Variants in DSE observed in about 807,000 individuals in gnomAD.
DSE encodes the protein dermatan sulfate epimerase, also known as dermatan-sulfate epimerase.
A neutral mutation model predicts 84.4 loss-of-function variants in DSE; 36 were observed. That is an observed-to-expected ratio of 0.43 (90% confidence interval 0.33 to 0.56). The LOEUF (loss-of-function observed/expected upper bound fraction) is 0.56. DSE is among the 20% of genes least tolerant of loss of function. DSE has a pLI of 0.06. For missense variants in DSE, 862 were observed against 1,169.6 expected (o/e 0.74, Z 3.84); for synonymous variants, 410 against 430.1 (o/e 0.95, Z 0.58).
In DSE at chr6:116,441,324, T is replaced by C. The variant is rs1177125421; in HGVS notation, c.*3979T>C. On this transcript the variant is annotated 3_prime_UTR_variant, in exon 6 of 6. Transcript: ENST00000644252. ...GGTTTTGGGATTTTTTTAATTGAAG[T>C]TTTATTTGGCATAAATTATGAACAT... 1 of 152,216 alleles carries C rather than the reference T, an allele frequency of 6.6e-6. No homozygotes were observed. The highest frequency in any genetic ancestry group is 1.9e-4 in the East Asian group (1 of 5,196). The allele number at this position is 152,216 out of a possible 1,614,324, so 9.4% of individuals were successfully genotyped here.
chr6:116,355,330 A>G (rs901212441), intron 2 of DSE, among the ~76,000 whole-genome samples: 10 of 152,208 alleles, frequency 6.6e-5, no homozygotes, highest in Admixed American at 2.0e-4. Context: ...AAACCTTCAC[A>G]TTCTTCTAAT....
intron 2 of DSE, among the ~76,000 whole-genome samples, chr6:116,345,809 A>C (rs1373665316): frequency 6.6e-6 from 1 of 152,222 alleles, no homozygotes; most frequent in Non-Finnish European, 1.5e-5. Flanking sequence ...AAAACCCTTC[A>C]AAAAATCAAT....
At chr6:116,368,817 T>C (rs1779321076), upstream of DSE, among the ~76,000 whole-genome samples, 1 of 152,014 alleles carries the variant, frequency 6.6e-6, no homozygotes, top group Non-Finnish European at 1.5e-5. Context: ...ATGGAGTTAA[T>C]ATGTACCCAG....
intron 1 of DSE, among the ~76,000 whole-genome samples, chr6:116,396,532 G>A (rs561054201): frequency 3.0e-4 from 45 of 152,186 alleles, no homozygotes; most frequent in Non-Finnish European, 4.7e-4. Flanking sequence ...TAAATGTACA[G>A]TAATGCACAA....
intron 2 of DSE, among the ~76,000 whole-genome samples, chr6:116,420,581 C>CT (rs1376042001): frequency 6.6e-6 from 1 of 152,236 alleles, no homozygotes; most frequent in African/African-American, 2.4e-5. Context: ...AGACCTTCAG[C>CT]TTCCAGAACT....
At chr6:116,287,168 A>G (rs911837744) in intron 2 of DSE, among the ~76,000 whole-genome samples, 3 of 152,132 alleles carry the variant, frequency 2.0e-5, no homozygotes, top group African/African-American at 7.2e-5. Flanking sequence ...TCTTCTAGAC[A>G]GAAGAGTTGA....
chr6:116,291,855 G>T (rs1012787736), intron 2 of DSE, among the ~76,000 whole-genome samples: 1 of 152,148 alleles, frequency 6.6e-6, no homozygotes, highest in Admixed American at 6.6e-5. Context: ...AACTAGATAT[G>T]AAAGTAGACA....
chr6:116,258,570 C>T (rs1442340759), exon 2 of DSE: 1 of 1,589,092 alleles, frequency 6.3e-7, no homozygotes, highest in Admixed American at 1.7e-5. Flanking sequence ...TGGAGGAGCC[C>T]TTGGCAGCAT....
chr6:116,316,817 C>CTAT (rs1477932840), intron 2 of DSE, among the ~76,000 whole-genome samples: 1 of 112,412 alleles, frequency 8.9e-6, no homozygotes, highest in Admixed American at 8.8e-5. Flanking sequence ...TCTACTACTA[C>CTAT]TACTACTACT....
chr6:116,406,843 G>A (rs942221043), intron 2 of DSE, among the ~76,000 whole-genome samples: 1 of 152,112 alleles, frequency 6.6e-6, no homozygotes, highest in South Asian at 2.1e-4. Context: ...TACCATAGTC[G>A]GGGGCCAGAT....
rs545749230 is a variant in DSE at position 116,313,508 on chromosome 6, G to T, written c.-54+54541G>T. On this transcript the variant is annotated intron_variant, in intron 2 of 3. Coordinates refer to the DSE transcript ENST00000430252. ...TTTGTTGATTTAGTAATAATGATTGGTTACATAATACCTATAAATGCAAGC... is the reference window on the plus strand; with the variant it reads ...TTTGTTGATTTAGTAATAATGATTGTTTACATAATACCTATAAATGCAAGC... 2.0e-5 allele frequency among the ~76,000 whole-genome samples: 3 copies of T among 152,246 alleles called. No individual in the cohort carries two copies. In the South Asian group the frequency reaches 6.2e-4, roughly 32 times the overall value.
At position 116,381,675 on chromosome 6, in the gene DSE, C is replaced by G. The variant is rs148728003; in HGVS notation, c.-54+10554C>G. ...AAGTCAATCTACGTGAAATATGTAG[C>G]GTAGTTCTTGGCACTTGGCAAGCAC... On this transcript the variant is annotated intron_variant, in intron 1 of 5. Coordinates refer to ENST00000644252, the MANE Select transcript of DSE (RefSeq NM_013352.4). Among the ~76,000 whole-genome samples, 3 of 152,182 alleles carry G rather than the reference C, an allele frequency of 2.0e-5. No homozygotes were observed. In the East Asian group the frequency reaches 5.8e-4, roughly 29 times the overall value.
intron 2 of DSE, among the ~76,000 whole-genome samples, chr6:116,346,332 A>T (rs538007864): frequency 6.6e-6 from 1 of 152,286 alleles, no homozygotes; most frequent in South Asian, 2.1e-4. Flanking sequence ...AGAATTTTAG[A>T]CCAATATCCC....
At chr6:116,351,523 C>T (rs1778308772) in intron 2 of DSE, among the ~76,000 whole-genome samples, 1 of 152,058 alleles carries the variant, frequency 6.6e-6, no homozygotes, top group East Asian at 1.9e-4. Context: ...TATATCACAA[C>T]TACATTCTAT....
intron 1 of DSE, chr6:116,255,401 T>C (rs1039898754): frequency 1.1e-4 from 17 of 152,196 alleles, no homozygotes; most frequent in African/African-American, 4.1e-4. Flanking sequence ...TGGCAGACAA[T>C]ACGGAGAAAC....
At position 116,444,833 on chromosome 6, in the gene DSE, G is replaced by A. The variant is rs926541148; in HGVS notation, c.*7488G>A. The A allele has an allele frequency of 6.6e-6, 1 of 152,182 alleles. No individual in the cohort carries two copies. The allele number at this position is 152,182 out of a possible 1,614,324, so 9.4% of individuals were successfully genotyped here. On this transcript the variant is annotated 3_prime_UTR_variant, in exon 6 of 6. Transcript: ENST00000644252. ...GGATTTCCCTGTCCCCAGAACTGTG[G>A]TAAATAAATTTCTGTTGTTTGTAAG...
At chr6:116,268,747 G>A (rs1772744524) in intron 2 of DSE, among the ~76,000 whole-genome samples, 1 of 152,010 alleles carries the variant, frequency 6.6e-6, no homozygotes, top group South Asian at 2.1e-4. Context: ...TCCCATTCCT[G>A]GTCACTAGAG....
chr6:116,426,465 G>T (rs1562304850), intron 2 of DSE, 109 bp from the exon 3 acceptor site: 2 of 1,433,826 alleles, frequency 1.4e-6, no homozygotes, highest in Non-Finnish European at 9.4e-7. Context: ...TAAGCCCTTG[G>T]ATTATATCTT....
chr6:116,333,935 C>T (rs927371662), intron 2 of DSE, among the ~76,000 whole-genome samples: 1 of 152,104 alleles, frequency 6.6e-6, no homozygotes, highest in African/African-American at 2.4e-5. Context: ...ATGCACCACT[C>T]CACTCCGGCC....
Sources: allele counts gnomAD v4.1 joint callset (sites outside exome capture counted in the v4.1 genomes callset), GRCh38; gene constraint gnomAD v4.1.1; transcripts MANE v1.5; gene names NCBI Gene and HGNC (gene_info 2026-07-23, HGNC 2026-07-21).